Variants in PRKD2 observed in about 807,000 individuals in gnomAD.
PRKD2 encodes the protein protein kinase D2.
In PRKD2, 22 loss-of-function variants were observed where a neutral mutation model predicts 86.0. That is an observed-to-expected ratio of 0.26 (90% CI 0.18 to 0.37). The LOEUF is 0.37. Among genes scored for constraint, PRKD2 ranks in the 10% least tolerant of loss-of-function variants. The probability of loss-of-function intolerance (pLI) is 1.00; values close to 1 mark genes in which losing one functional copy is unlikely to be tolerated. For synonymous variants in PRKD2, 509 were observed against 510.9 expected (o/e 1.00, Z 0.05); for missense variants, 818 against 1,199.2 (o/e 0.68, Z 4.70).
intron 5 of PRKD2, among the ~76,000 whole-genome samples, chr19:46,702,962 T>G (rs981785053): frequency 4.6e-5 from 7 of 152,176 alleles, no homozygotes; most frequent in African/African-American, 1.7e-4. Context: ...GTGCTGAGAT[T>G]ACATGCATGA....
Position 46,692,573 on chromosome 19 carries a change from A to T in PRKD2, c.1577-588T>A, listed in dbSNP as rs74380722. On this transcript the variant is annotated intron_variant, in intron 10 of 17. Coordinates refer to ENST00000291281, the MANE Select transcript of PRKD2 (RefSeq NM_016457.5). ...CACCTCCCACAGAGAAACCAGAGGG[A>T]TCTTACTGAGGCACAAGACTGACCC... Among the ~76,000 whole-genome samples, 3 of 143,222 alleles carry T rather than the reference A, an allele frequency of 2.1e-5. No individual in the cohort carries two copies. The East Asian group carries it at 6.2e-4, about 30-fold the overall frequency. The allele number at this position is 143,222 out of a possible 152,430, so 94.0% of individuals were successfully genotyped here. A position where few individuals can be genotyped will look rare whatever the true frequency, so the allele number is the denominator to read the frequency against.
intron 15 of PRKD2, 139 bp downstream of exon 15, chr19:46,681,511 G>A: frequency 3.2e-6 from 2 of 616,406 alleles, no homozygotes; most frequent in Non-Finnish European, 2.9e-6. Context: ...TCCTGCCTCA[G>A]CCTCTCAAAA....
At chr19:46,715,871 CCT>C (rs1194522038) in intron 1 of PRKD2, among the ~76,000 whole-genome samples, 1 of 152,120 alleles carries the variant, frequency 6.6e-6, no homozygotes, top group East Asian at 1.9e-4. Context: ...TCCCTTCCTC[CCT>C]GTTTGCTGCA....
chr19:46,691,960 C>G lies in PRKD2; in HGVS notation c.1602G>C (p.Val534=). ...CATTCTCTTGGATCTGACTGTTGGACACAGAGATGCTCAGAGAAGCTTGTC... is the reference window on the plus strand; with the variant it reads ...CATTCTCTTGGATCTGACTGTTGGAGACAGAGATGCTCAGAGAAGCTTGTC... ...PHRQASLSIS[V]SNSQIQENVD... Residue 534 remains valine, a synonymous_variant, in exon 11 of 18, where the codon GTG becomes GTC. Coordinates refer to ENST00000291281, the MANE Select transcript of PRKD2 (RefSeq NM_016457.5). 6.2e-7 allele frequency: 1 copy of G among 1,614,004 alleles called. No individual in the cohort carries two copies. The highest frequency in any genetic ancestry group is 8.5e-7 in the Non-Finnish European group (1 of 1,179,978).
At chr19:46,701,190 C>T (rs2053629951) in intron 5 of PRKD2, 78 bp from the exon 6 acceptor site, 3 of 1,457,620 alleles carry the variant, frequency 2.1e-6, no homozygotes, top group Admixed American at 1.7e-5. Context: ...TGACCCTAAG[C>T]CTCAGGCTCA....
At chr19:46,691,705 C>T (rs1478270650) in intron 12 of PRKD2, 30 bp downstream of exon 12, 2 of 1,609,920 alleles carry the variant, frequency 1.2e-6, no homozygotes. Context: ...GCCCGGGGCT[C>T]CCTCTGGGTT....
At chr19:46,686,748 G>A (rs770387275) in intron 14 of PRKD2, among the ~76,000 whole-genome samples, 2 of 151,500 alleles carry the variant, frequency 1.3e-5, no homozygotes, top group Admixed American at 6.6e-5. Context: ...TCAGGAGATC[G>A]AGACCATCCT....
At chr19:46,715,870 C>G (rs1373091217) in intron 1 of PRKD2, among the ~76,000 whole-genome samples, 1 of 152,236 alleles carries the variant, frequency 6.6e-6, no homozygotes, top group Non-Finnish European at 1.5e-5. Context: ...CTCCCTTCCT[C>G]CCTGTTTGCT....
intron 13 of PRKD2, 94 bp from the exon 14 acceptor site, chr19:46,689,792 GA>G: frequency 1.4e-6 from 2 of 1,442,294 alleles, no homozygotes; most frequent in Non-Finnish European, 1.9e-6. Context: ...CAAACAAGGA[GA>G]AGGATGTCCC....
In PRKD2 at chr19:46,697,737, G is replaced by T. The variant is rs2053581830; in HGVS notation, c.1235C>A (p.Thr412Lys). The T allele has an allele frequency of 6.2e-7, 1 of 1,612,974 alleles. No individual in the cohort carries two copies. Among genetic ancestry groups the T allele is most frequent in the Non-Finnish European group, 8.5e-7 (1 of 1,179,232 alleles). The change falls in exon 8 of 18, where the codon ACG (threonine) becomes AAG (lysine). Residue 412 changes from threonine to lysine, a missense_variant. This residue lies in a region of PRKD2 where 127 missense variants were observed against 157.8 expected (regional missense o/e 0.80). Coordinates refer to ENST00000291281, the MANE Select transcript of PRKD2 (RefSeq NM_016457.5). ...GWVVHYSNKD[T>K]LRKRHYWRLD... Reference sequence around the variant, plus strand: ...GGCCCCGCCCCGGCCACTCACCAGCGTGTCCTTGTTGCTGTAATGAACCAC... The same window carrying T: ...GGCCCCGCCCCGGCCACTCACCAGCTTGTCCTTGTTGCTGTAATGAACCAC...
At chr19:46,707,305 C>T (rs2053727749) in intron 3 of PRKD2, among the ~76,000 whole-genome samples, 1 of 152,090 alleles carries the variant, frequency 6.6e-6, no homozygotes, top group Non-Finnish European at 1.5e-5. Context: ...GCACACCATA[C>T]AAAAATGGAG....
At position 46,678,240 on chromosome 19, in the gene PRKD2, T is replaced by G; in HGVS notation, c.2338+156A>C. The G allele has an allele frequency of 2.5e-6, 3 of 1,194,666 alleles. No individual in the cohort carries two copies. The highest frequency in any genetic ancestry group is 3.5e-6 in the Non-Finnish European group (3 of 866,880). 74.0% of individuals were successfully genotyped at this position (1,194,666 alleles called of 1,614,324 possible). A position where few individuals can be genotyped will look rare whatever the true frequency, so the allele number is the denominator to read the frequency against. On this transcript the variant is annotated intron_variant, in intron 16 of 17. Transcript: ENST00000291281. This position sits in a 1 kb window ranked among gnomAD's most constrained non-coding sequence, Gnocchi z 5.7. ...CCATCTTTTACAGGACGGCTCCTCC[T>G]GTAGCCACATCCCTCCAGTAGGCCC...
rs1042375851 is a variant in PRKD2, at chr19:46,682,007, AT to A, written c.1972-260del. Among the ~76,000 whole-genome samples, 1,061 of 143,218 alleles carry A rather than the reference AT, an allele frequency of 7.4e-3. 6 individuals carry two copies. The highest frequency in any genetic ancestry group is 0.025 in the African/African-American group (979 of 38,868). 94.0% of individuals were successfully genotyped at this position (143,218 alleles called of 152,430 possible). A position where few individuals can be genotyped will look rare whatever the true frequency, so the allele number is the denominator to read the frequency against. ...AGGCGTGCACCACCATGCCCAGCTA[AT>A]TTTTTTTTTTCTTTTTGAGGCGGAG... On this transcript the variant is annotated intron_variant, in intron 14 of 17. Coordinates refer to ENST00000291281, the MANE Select transcript of PRKD2 (RefSeq NM_016457.5).
chr19:46,682,076 G>A (rs559080028), intron 14 of PRKD2, among the ~76,000 whole-genome samples: 90 of 147,802 alleles, frequency 6.1e-4, no homozygotes, highest in African/African-American at 2.1e-3. Context: ...GCACGATCTC[G>A]GCTCACTGCA....
At chr19:46,689,727 C>A (rs1449224291) in intron 13 of PRKD2, 29 bp from the exon 14 acceptor site, 5 of 1,612,838 alleles carry the variant, frequency 3.1e-6, no homozygotes, top group Non-Finnish European at 4.2e-6. Context: ...GGTCAGGGCC[C>A]AGGTAACCCA....
At chr19:46,700,677 C>T (rs2053622520) in intron 7 of PRKD2, 122 bp downstream of exon 7, 1 of 1,319,000 alleles carries the variant, frequency 7.6e-7, no homozygotes, top group East Asian at 2.5e-5. Context: ...AAAGGTTTGC[C>T]TCAGGAACTG....
rs766259352 is a variant in PRKD2, at chr19:46,678,445, G to C, written c.2289C>G (p.Asn763Lys). The C allele has an allele frequency of 6.2e-7, 1 of 1,614,186 alleles. No individual in the cohort carries two copies. The highest frequency in any genetic ancestry group is 8.5e-7 in the Non-Finnish European group (1 of 1,180,032). ...GGCTGGCCGGGTACATGAAGGCGGC[G>C]TTCTGGATCTGGTCATTGATGTCCT... ...EDEDINDQIQ[N>K]AAFMYPASPW... The change falls in exon 16 of 18, where the codon AAC becomes AAG. Residue 763 changes from asparagine (N) to lysine (K), a missense_variant. This residue lies in a region of PRKD2 where 154 missense variants were observed against 359.6 expected (regional missense o/e 0.43). Transcript: ENST00000291281. This position sits in a 1 kb window ranked among gnomAD's most constrained non-coding sequence, Gnocchi z 5.7.
At chr19:46,701,943 G>T (rs547492695) in intron 5 of PRKD2, among the ~76,000 whole-genome samples, 1 of 151,554 alleles carries the variant, frequency 6.6e-6, no homozygotes, top group South Asian at 2.1e-4. Flanking sequence ...TTGCTGTAGA[G>T]TTCAGTGTTT....
At chr19:46,685,142 C>T (rs1488903656) in intron 14 of PRKD2, among the ~76,000 whole-genome samples, 1 of 151,170 alleles carries the variant, frequency 6.6e-6, no homozygotes, top group Admixed American at 6.6e-5. Flanking sequence ...ACCTGTAGTC[C>T]CAGCTACTCA....
Sources: gnomAD v4.1 joint callset for allele counts (sites outside exome capture counted in the v4.1 genomes callset) on GRCh38, gnomAD v4.1.1 for gene constraint, gnomAD v4.1.1 regional missense constraint, Gnocchi (gnomAD v3.1) non-coding constraint, MANE v1.5 for transcripts, NCBI Gene and HGNC (gene_info 2026-07-23, HGNC 2026-07-21) for gene names.